The following BMPR1B variants were observed in gnomAD, a reference collection of about 807,000 sequenced individuals.
The protein encoded by BMPR1B is bone morphogenetic protein receptor type-1B.
In BMPR1B, 12 loss-of-function variants were observed where a neutral mutation model predicts 59.1. The ratio of observed to expected loss-of-function variants is 0.20; its 90% CI spans 0.13 to 0.33. The LOEUF is 0.33. BMPR1B is among the 10% of genes least tolerant of loss of function. The pLI is 1.00. For synonymous variants in BMPR1B, 237 were observed against 207.3 expected, an observed-to-expected ratio of 1.14 and a Z score of -1.23; for missense variants, 550 against 610.9, an observed-to-expected ratio of 0.90 and a Z score of 1.05.
intron 6 of BMPR1B, among the ~76,000 whole-genome samples, chr4:95,117,218 C>A (rs1732134680): frequency 1.3e-5 from 2 of 152,126 alleles, no homozygotes. Flanking sequence ...TAACTTTAGC[C>A]ACATAATCTG....
chr4:94,862,466 A>C (rs1021607175), intron 1 of BMPR1B, among the ~76,000 whole-genome samples: 7 of 151,384 alleles, frequency 4.6e-5, no homozygotes, highest in African/African-American at 1.7e-4. Flanking sequence ...TTTAAGTATA[A>C]ATTTTGGAAA....
At chr4:94,962,504 G>A (rs1730410395) in intron 2 of BMPR1B, among the ~76,000 whole-genome samples, 1 of 151,964 alleles carries the variant, frequency 6.6e-6, no homozygotes, top group Non-Finnish European at 1.5e-5. Context: ...CTAGCTTCTG[G>A]TAACCATCAT....
intron 2 of BMPR1B, among the ~76,000 whole-genome samples, chr4:94,889,042 A>G (rs1727291139): frequency 6.6e-6 from 1 of 152,076 alleles, no homozygotes; most frequent in Non-Finnish European, 1.5e-5. Context: ...TTTTAAATAT[A>G]TACTGGAGCC....
chr4:94,780,479 C>T (rs1270406017), intron 1 of BMPR1B, among the ~76,000 whole-genome samples: 1 of 151,992 alleles, frequency 6.6e-6, no homozygotes. Flanking sequence ...TTGCTATAAA[C>T]ATGTATGCCC....
intron 3 of BMPR1B, among the ~76,000 whole-genome samples, chr4:95,098,307 A>G (rs1024347889): frequency 2.6e-5 from 4 of 152,136 alleles, no homozygotes; most frequent in Admixed American, 1.3e-4. Context: ...CTATATATGC[A>G]TGTAATTACC....
chr4:94,829,045 GA>G (rs1311647877), intron 1 of BMPR1B, among the ~76,000 whole-genome samples: 4 of 150,652 alleles, frequency 2.7e-5, no homozygotes, highest in African/African-American at 9.8e-5. Context: ...GTGGTATAAT[GA>G]AAAAGGTGTT....
At chr4:94,950,406 G>A (rs578246693) in intron 2 of BMPR1B, among the ~76,000 whole-genome samples, 1 of 152,022 alleles carries the variant, frequency 6.6e-6, no homozygotes, top group East Asian at 1.9e-4. Context: ...TTTCTTCTGG[G>A]GTTTTTATGG....
At chr4:94,968,039 G>A (rs3796424) in intron 2 of BMPR1B, among the ~76,000 whole-genome samples, 36,007 of 152,014 alleles carry the variant, frequency 0.24, 4,368 homozygotes, top group South Asian at 0.34. Context: ...TACTTTTCCC[G>A]TTAGTTACAC....
chr4:95,065,944 C>A (rs1432231241), intron 3 of BMPR1B, among the ~76,000 whole-genome samples: 1 of 152,128 alleles, frequency 6.6e-6, no homozygotes, highest in Non-Finnish European at 1.5e-5. Context: ...TGCCATGAGT[C>A]CTGATTCAAA....
chr4:95,004,288 C>T (rs551666143), intron 3 of BMPR1B, among the ~76,000 whole-genome samples: 1 of 152,256 alleles, frequency 6.6e-6, no homozygotes, highest in East Asian at 1.9e-4. Flanking sequence ...ACTTTTTCCT[C>T]CTTGAATCAC....
At chr4:94,886,522 A>ACATT (rs1325802068) in intron 2 of BMPR1B, among the ~76,000 whole-genome samples, 1 of 152,210 alleles carries the variant, frequency 6.6e-6, no homozygotes, top group African/African-American at 2.4e-5. Context: ...TGTTGAATAC[A>ACATT]CATTCTTTTA....
chr4:94,987,188 AAT>A (rs35071743), intron 2 of BMPR1B, among the ~76,000 whole-genome samples: 38,040 of 144,050 alleles, frequency 0.26, 6,326 homozygotes, highest in South Asian at 0.43. Context: ...TACTATATAT[AAT>A]ATATCATATA....
chr4:94,780,140 T>C (rs1045304264), intron 1 of BMPR1B, among the ~76,000 whole-genome samples: 4 of 152,200 alleles, frequency 2.6e-5, no homozygotes, highest in Non-Finnish European at 5.9e-5. Flanking sequence ...CATGTGTTCA[T>C]TAATGAGATT....
intron 3 of BMPR1B, among the ~76,000 whole-genome samples, chr4:95,004,456 T>C (rs1722680626): frequency 1.3e-5 from 2 of 152,196 alleles, no homozygotes; most frequent in African/African-American, 4.8e-5. Context: ...GCATCAGTAT[T>C]TGTATTGTCT....
intron 2 of BMPR1B, among the ~76,000 whole-genome samples, chr4:94,969,104 A>C (rs1247708559): frequency 6.6e-6 from 1 of 151,426 alleles, no homozygotes; most frequent in African/African-American, 2.4e-5. Context: ...GTGTGATCTC[A>C]GCTCACTGCA....
At chr4:94,953,360 G>C (rs981484661) in intron 2 of BMPR1B, among the ~76,000 whole-genome samples, 2 of 152,068 alleles carry the variant, frequency 1.3e-5, no homozygotes, top group African/African-American at 2.4e-5. Context: ...TAGTGTCGAC[G>C]GTCTTTACAT....
At chr4:94,807,895 G>C (rs1253859772) in intron 1 of BMPR1B, among the ~76,000 whole-genome samples, 2 of 152,102 alleles carry the variant, frequency 1.3e-5, no homozygotes, top group African/African-American at 4.8e-5. Context: ...ATGTTGGCCA[G>C]GCTGGTGGTC....
chr4:95,028,781 G>A (rs756301865), intron 3 of BMPR1B, among the ~76,000 whole-genome samples: 7 of 151,978 alleles, frequency 4.6e-5, no homozygotes, highest in Non-Finnish European at 1.0e-4. Flanking sequence ...CGTTTCTAAT[G>A]CAGGAATTCT....
chr4:95,104,350 C>G, intron 3 of BMPR1B, 58 bp from the exon 4 acceptor site: 1 of 1,572,336 alleles, frequency 6.4e-7, no homozygotes, highest in Non-Finnish European at 8.7e-7. Flanking sequence ...TTCGTTTGAA[C>G]AGAAGACTGG....
Sources: gnomAD v4.1 joint callset for allele counts (sites outside exome capture counted in the v4.1 genomes callset) on GRCh38, gnomAD v4.1.1 for gene constraint, MANE v1.5 for transcripts, NCBI Gene and HGNC (gene_info 2026-07-23, HGNC 2026-07-21) for gene names.